Variants in NUDT9 observed in about 807,000 individuals in gnomAD.
NUDT9 encodes the protein nudix hydrolase 9.
NUDT9 carries 31 observed loss-of-function variants against 41.0 expected under a neutral mutation model. The ratio of observed to expected loss-of-function variants is 0.76; its 90% CI spans 0.57 to 1.02. The LOEUF (loss-of-function observed/expected upper bound fraction) is 1.02, where lower values mean the gene tolerates loss of function less well. NUDT9 is among the 50% of genes least tolerant of loss of function. NUDT9 has a pLI of 0.00. For synonymous variants in NUDT9, 146 were observed against 147.6 expected, an observed-to-expected ratio of 0.99 and a Z score of 0.08; for missense variants, 380 against 431.4, an observed-to-expected ratio of 0.88 and a Z score of 1.06.
chr4:87,437,358 C>T (rs550607857), intron 2 of NUDT9, among the ~76,000 whole-genome samples: 4 of 149,238 alleles, frequency 2.7e-5, no homozygotes, highest in East Asian at 2.0e-4. Context: ...ATTTATTTTT[C>T]GAGATGGAGT....
intron 1 of NUDT9, among the ~76,000 whole-genome samples, chr4:87,430,474 A>C (rs915412876): frequency 6.6e-6 from 1 of 152,254 alleles, no homozygotes; most frequent in Non-Finnish European, 1.5e-5. Flanking sequence ...CTTTATAAAA[A>C]TAGTACCATA....
At chr4:87,444,707 T>C (rs1722369660) in intron 4 of NUDT9, among the ~76,000 whole-genome samples, 1 of 152,284 alleles carries the variant, frequency 6.6e-6, no homozygotes, top group East Asian at 1.9e-4. Flanking sequence ...TATCTTTATC[T>C]ATGGTGGACC....
rs1335915163 is a variant in NUDT9, at chr4:87,422,691, G to C, written c.-215G>C. On this transcript the variant is annotated 5_prime_UTR_variant, in exon 1 of 8. Transcript: ENST00000302174. ...TCACGTGCTGGTCTGGATTTTTCTC[G>C]ATGCACTGGGGAAAGCGGTGGACTC... 5 of 413,318 alleles carry C rather than the reference G, an allele frequency of 1.2e-5. No individual in the cohort carries two copies. Among genetic ancestry groups the C allele is most frequent in the Non-Finnish European group, 2.1e-5 (5 of 233,758 alleles). The allele number at this position is 413,318 out of a possible 1,614,324, so 25.6% of individuals were successfully genotyped here.
intron 7 of NUDT9, among the ~76,000 whole-genome samples, chr4:87,455,638 A>G (rs1412771464): frequency 7.0e-6 from 1 of 143,216 alleles, no homozygotes; most frequent in Non-Finnish European, 1.5e-5. Flanking sequence ...GCGTGCTTTT[A>G]GTGCTTTTTT....
At chr4:87,429,008 A>G (rs902410205) in intron 1 of NUDT9, among the ~76,000 whole-genome samples, 1 of 152,214 alleles carries the variant, frequency 6.6e-6, no homozygotes, top group Non-Finnish European at 1.5e-5. Context: ...TTGTACACGT[A>G]AAATTCACTG....
At chr4:87,457,709 G>C in intron 7 of NUDT9, 134 bp from the exon 8 acceptor site, 1 of 730,228 alleles carries the variant, frequency 1.4e-6, no homozygotes, top group Non-Finnish European at 2.2e-6. Flanking sequence ...GGATGGAATG[G>C]TCTAGTTTTT....
chr4:87,445,415 A>G (rs1722400937), intron 4 of NUDT9: 1 of 152,160 alleles, frequency 6.6e-6, no homozygotes, highest in South Asian at 2.1e-4. Context: ...GATTCAAAAC[A>G]GCGTTGTTCA....
intron 7 of NUDT9, among the ~76,000 whole-genome samples, chr4:87,456,211 G>C (rs1335087496): frequency 6.6e-6 from 1 of 152,132 alleles, no homozygotes; most frequent in Admixed American, 6.5e-5. Flanking sequence ...CCTATTGATA[G>C]ATATGGTGGT....
chr4:87,457,902 G>A lies in NUDT9; in HGVS notation c.934G>A (p.Val312Met). ...AGATGATGCTGGAAAAGTGAAATGG[G>A]TGGACATCAATGATAAACTGAAGCT... ...AGDDAGKVKWVDINDKLKLYA... is the reference protein window; with the variant it reads ...AGDDAGKVKWMDINDKLKLYA... The change falls in exon 8 of 8, where the codon GTG (valine) becomes ATG (methionine). Residue 312 changes from valine (V) to methionine (M), a missense_variant. Physicochemically the swap from Val to Met is conservative, Grantham distance 21 (BLOSUM62 1). Transcript: ENST00000302174. 1 of 1,610,054 alleles carries A rather than the reference G, an allele frequency of 6.2e-7. No homozygotes were observed. The highest frequency in any genetic ancestry group is 8.5e-7 in the Non-Finnish European group (1 of 1,178,360).
At chr4:87,434,863 C>A in intron 1 of NUDT9, 118 bp from the exon 2 acceptor site, 1 of 815,648 alleles carries the variant, frequency 1.2e-6, no homozygotes, top group Non-Finnish European at 1.9e-6. Context: ...AGGTGATCCA[C>A]CTACCTCGGC....
Position 87,424,198 on chromosome 4 carries a change from A to C in NUDT9, c.107+1186A>C, listed in dbSNP as rs904715944. On this transcript the variant is annotated intron_variant, in intron 1 of 7. Transcript: ENST00000302174. ...TATGATCCTTGGGCCCACTGACTTC[A>C]AGCTTGAAACCTCTAGCTCGGCTCA... 4.0e-5 allele frequency among the ~76,000 whole-genome samples: 6 copies of C among 150,470 alleles called. No homozygotes were observed. In the South Asian group the frequency reaches 1.3e-3, roughly 32 times the overall value.
chr4:87,425,710 T>C (rs1721384278), intron 1 of NUDT9, among the ~76,000 whole-genome samples: 1 of 112,028 alleles, frequency 8.9e-6, no homozygotes, highest in African/African-American at 2.8e-5. Context: ...CCCTGTCTCT[T>C]TGAAAAAAAA....
At chr4:87,433,336 A>G (rs1453479211) in intron 1 of NUDT9, among the ~76,000 whole-genome samples, 2 of 152,096 alleles carry the variant, frequency 1.3e-5, no homozygotes, top group Non-Finnish European at 2.9e-5. Flanking sequence ...ACCTTTCTCT[A>G]TCTTTCATGA....
chr4:87,427,172 G>A (rs13143137), intron 1 of NUDT9, among the ~76,000 whole-genome samples: 14,392 of 150,970 alleles, frequency 0.095, 979 homozygotes, highest in East Asian at 0.29. Flanking sequence ...TCAGTTGTGA[G>A]GATCAAGTGA....
At chr4:87,452,792 AATAAGAAAATAAC>A (rs1368204839) in intron 6 of NUDT9, among the ~76,000 whole-genome samples, 1 of 149,828 alleles carries the variant, frequency 6.7e-6, no homozygotes, top group Non-Finnish European at 1.5e-5. Flanking sequence ...GCACACTAAT[AATAAGAAAATAAC>A]AGAGTTTTTT....
At chr4:87,432,769 T>TG (rs1721742465) in intron 1 of NUDT9, among the ~76,000 whole-genome samples, 2 of 110,286 alleles carry the variant, frequency 1.8e-5, no homozygotes, top group African/African-American at 6.2e-5. Flanking sequence ...GAAGATTGTG[T>TG]TTTTTTTTTT....
At chr4:87,424,057 T>TA (rs1336725061) in intron 1 of NUDT9, among the ~76,000 whole-genome samples, 1 of 152,198 alleles carries the variant, frequency 6.6e-6, no homozygotes, top group African/African-American at 2.4e-5. Context: ...CCTTCATTTC[T>TA]AAAAAACTTT....
At chr4:87,425,191 T>TAA (rs1247123490) in intron 1 of NUDT9, among the ~76,000 whole-genome samples, 67 of 144,012 alleles carry the variant, frequency 4.7e-4, no homozygotes, top group African/African-American at 1.6e-3. Flanking sequence ...CCCTTGTCTC[T>TAA]AAAAAAAAAA....
chr4:87,444,925 ATAAT>A (rs1243522152), intron 4 of NUDT9, among the ~76,000 whole-genome samples: 4 of 152,234 alleles, frequency 2.6e-5, no homozygotes, highest in African/African-American at 7.2e-5. Flanking sequence ...GCATTAATTA[ATAAT>A]TAATAGTAAT....
Sources: allele counts gnomAD v4.1 joint callset (sites outside exome capture counted in the v4.1 genomes callset), GRCh38; gene constraint gnomAD v4.1.1; transcripts MANE v1.5; gene names NCBI Gene and HGNC (gene_info 2026-07-23, HGNC 2026-07-21).